WWOX: variants seen among roughly 807,000 people sequenced by gnomAD.
WWOX encodes WW domain-containing oxidoreductase.
In WWOX, 69 loss-of-function variants were observed where a neutral mutation model predicts 46.2. That is an observed-to-expected ratio of 1.49 (90% CI 1.23 to 1.82). The LOEUF is 1.82. Among genes scored for constraint, WWOX ranks in the 40% most tolerant of loss-of-function variants. The pLI, the probability that WWOX is intolerant of heterozygous loss-of-function variation, is 0.00. For synonymous variants in WWOX, 359 were observed against 202.6 expected (o/e 1.77, Z -6.56); for missense variants, 919 against 542.6 (o/e 1.69, Z -6.89).
At chr16:78,993,414 G>A (rs921873874) in intron 8 of WWOX, among the ~76,000 whole-genome samples, 1 of 152,116 alleles carries the variant, frequency 6.6e-6, no homozygotes, top group African/African-American at 2.4e-5. Flanking sequence ...ACTCTGCCTC[G>A]CCTCTCCTCT....
chr16:78,955,361 C>T (rs964495191), intron 8 of WWOX, among the ~76,000 whole-genome samples: 16 of 152,144 alleles, frequency 1.1e-4, no homozygotes, highest in Non-Finnish European at 2.1e-4. Context: ...GGAGATGAGT[C>T]AGGTGTGCCG....
At chr16:79,002,152 C>T (rs371538063) in intron 8 of WWOX, among the ~76,000 whole-genome samples, 27 of 150,164 alleles carry the variant, frequency 1.8e-4, no homozygotes, top group South Asian at 6.3e-4. Flanking sequence ...AGTGTATCGA[C>T]GTGCTGTACT....
At chr16:79,060,663 C>T (rs1479362029) in intron 8 of WWOX, among the ~76,000 whole-genome samples, 1 of 152,168 alleles carries the variant, frequency 6.6e-6, no homozygotes, top group East Asian at 1.9e-4. Context: ...ATTTTGTAAA[C>T]CCAATTACGA....
At chr16:78,664,638 G>C (rs988488711) in intron 8 of WWOX, among the ~76,000 whole-genome samples, 2 of 152,144 alleles carry the variant, frequency 1.3e-5, no homozygotes, top group Non-Finnish European at 2.9e-5. Context: ...AGATGAGCCC[G>C]GTGTATCCGT....
intron 2 of WWOX, 92 bp downstream of exon 2, chr16:78,108,579 T>G (rs774137541): frequency 6.3e-6 from 9 of 1,427,736 alleles, no homozygotes; most frequent in Non-Finnish European, 7.8e-6. Flanking sequence ...ATTGTGTGTT[T>G]AGGGAGGGCT....
intron 8 of WWOX, among the ~76,000 whole-genome samples, chr16:78,769,986 G>A (rs1217097485): frequency 6.6e-6 from 1 of 152,162 alleles, no homozygotes; most frequent in African/African-American, 2.4e-5. Flanking sequence ...TGAGGCTGCT[G>A]TGAGCTATGA....
chr16:78,203,099 A>G (rs1201407626), intron 5 of WWOX, among the ~76,000 whole-genome samples: 1 of 152,212 alleles, frequency 6.6e-6, no homozygotes, highest in Admixed American at 6.5e-5. Context: ...TGGTGTCTTT[A>G]GAAAGGGGAG....
intron 5 of WWOX, among the ~76,000 whole-genome samples, chr16:78,195,749 G>C (rs765884019): frequency 6.8e-6 from 1 of 147,008 alleles, no homozygotes; most frequent in Admixed American, 7.0e-5. Flanking sequence ...TTGAACTCTG[G>C]AGACAGAGGT....
intron 8 of WWOX, chr16:78,757,112 C>T (rs2049670256): frequency 2.9e-6 from 2 of 687,746 alleles, no homozygotes; most frequent in African/African-American, 1.8e-5. Flanking sequence ...TTTATTTGAG[C>T]CCCTATCTAG....
chr16:78,194,820 C>T (rs948771663), intron 5 of WWOX, among the ~76,000 whole-genome samples: 2 of 152,122 alleles, frequency 1.3e-5, no homozygotes, highest in African/African-American at 4.8e-5. Flanking sequence ...TAAACTTCCT[C>T]TACTCTTTTT....
intron 8 of WWOX, among the ~76,000 whole-genome samples, chr16:78,952,056 C>T (rs778440885): frequency 2.6e-5 from 4 of 152,080 alleles, no homozygotes; most frequent in Non-Finnish European, 5.9e-5. Flanking sequence ...AAAGACAGAC[C>T]CCTAATCATA....
At chr16:79,019,616 A>G (rs1343450931) in intron 8 of WWOX, among the ~76,000 whole-genome samples, 1 of 151,924 alleles carries the variant, frequency 6.6e-6, no homozygotes, top group East Asian at 1.9e-4. Flanking sequence ...TATCCTGCGT[A>G]TCTGTGAGCT....
intron 6 of WWOX, among the ~76,000 whole-genome samples, chr16:78,419,971 A>T (rs78653371): frequency 1.9e-3 from 282 of 152,268 alleles, no homozygotes; most frequent in African/African-American, 6.3e-3. Flanking sequence ...TGAGCATAAG[A>T]TCTAAATAGA....
At chr16:79,166,967 A>G (rs2050606651) in intron 8 of WWOX, among the ~76,000 whole-genome samples, 1 of 152,080 alleles carries the variant, frequency 6.6e-6, no homozygotes, top group South Asian at 2.1e-4. Context: ...TTTGAGACAG[A>G]GCCTTGCTGT....
At chr16:78,571,980 G>A (rs1187145785) in intron 8 of WWOX, among the ~76,000 whole-genome samples, 2 of 152,168 alleles carry the variant, frequency 1.3e-5, no homozygotes, top group Non-Finnish European at 2.9e-5. Context: ...GAGAAATAGG[G>A]AATTTTATGC....
chr16:78,437,235 C>T (rs78936095), intron 8 of WWOX, among the ~76,000 whole-genome samples: 1,772 of 152,280 alleles, frequency 0.012, 33 homozygotes, highest in African/African-American at 0.041. Context: ...TTTTTATTTG[C>T]TGTGACTTGC....
chr16:78,651,913 G>A (rs539068813), intron 8 of WWOX, among the ~76,000 whole-genome samples: 1 of 152,162 alleles, frequency 6.6e-6, no homozygotes, highest in Non-Finnish European at 1.5e-5. Flanking sequence ...GAGTGAGAGA[G>A]AGTGTAAGTA....
At chr16:78,615,787 G>T (rs1286285295) in intron 8 of WWOX, among the ~76,000 whole-genome samples, 1 of 150,030 alleles carries the variant, frequency 6.7e-6, no homozygotes, top group Admixed American at 6.6e-5. Flanking sequence ...GTCTCACTCT[G>T]TTGCCCAGGC....
intron 8 of WWOX, among the ~76,000 whole-genome samples, chr16:78,684,826 G>C (rs766459367): frequency 3.0e-4 from 45 of 152,182 alleles, no homozygotes; most frequent in African/African-American, 9.9e-4. Flanking sequence ...AGCAGTTATA[G>C]CTTCAGAAAA....
Sources: gnomAD v4.1 joint callset for allele counts (sites outside exome capture counted in the v4.1 genomes callset) on GRCh38, gnomAD v4.1.1 for gene constraint, MANE v1.5 for transcripts, NCBI Gene and HGNC (gene_info 2026-07-23, HGNC 2026-07-21) for gene names.